The following CTNNA3 variants were observed in gnomAD, a reference collection of about 807,000 sequenced individuals.
The protein encoded by CTNNA3 is catenin alpha 3, also known as catenin alpha-3.
In CTNNA3, 76 loss-of-function variants were observed where a neutral mutation model predicts 95.7. That is an observed-to-expected ratio of 0.79 (90% CI 0.66 to 0.96). CTNNA3 has a LOEUF of 0.96. Among genes scored for constraint, CTNNA3 ranks in the 40% least tolerant of loss-of-function variants. The probability of loss-of-function intolerance (pLI) is 0.00; values close to 1 mark genes in which losing one functional copy is unlikely to be tolerated. For missense variants in CTNNA3, 1,191 were observed against 1,089.8 expected (o/e 1.09, Z -1.31); for synonymous variants, 431 against 374.4 (o/e 1.15, Z -1.74).
At chr10:67,006,045 C>T (rs920608702) in intron 7 of CTNNA3, among the ~76,000 whole-genome samples, 31 of 151,958 alleles carry the variant, frequency 2.0e-4, no homozygotes, top group Non-Finnish European at 4.4e-5. Flanking sequence ...TCTCATTATT[C>T]CATTATTACA....
chr10:66,613,424 T>C (rs1182914694), intron 10 of CTNNA3, among the ~76,000 whole-genome samples: 1 of 152,088 alleles, frequency 6.6e-6, no homozygotes, highest in Non-Finnish European at 1.5e-5. Flanking sequence ...TAAGTATTTG[T>C]TGAATGAAGA....
chr10:66,508,213 T>G (rs1840530438), intron 11 of CTNNA3, among the ~76,000 whole-genome samples: 1 of 148,910 alleles, frequency 6.7e-6, no homozygotes, highest in South Asian at 2.1e-4. Flanking sequence ...GTTTTCTGTT[T>G]TTTTTTTTTT....
rs967165634 is a variant in CTNNA3 at position 67,197,083 on chromosome 10, T to A, written c.844-16563A>T. 2.6e-5 allele frequency among the ~76,000 whole-genome samples: 4 copies of A among 152,126 alleles called. No individual in the cohort carries two copies. The South Asian group carries it at 8.3e-4, about 32-fold the overall frequency. On this transcript the variant is annotated intron_variant, in intron 6 of 17. Coordinates refer to ENST00000433211, the MANE Select transcript of CTNNA3 (RefSeq NM_013266.4). ...ACTAAAGTATATGCCCCAATATTTTTAAGTATATTAAATCTTAATTTCTCA... is the reference window on the plus strand; with the variant it reads ...ACTAAAGTATATGCCCCAATATTTTAAAGTATATTAAATCTTAATTTCTCA...
At chr10:66,159,827 A>G (rs1024026727) in intron 13 of CTNNA3, among the ~76,000 whole-genome samples, 5 of 150,366 alleles carry the variant, frequency 3.3e-5, no homozygotes, top group African/African-American at 1.2e-4. Flanking sequence ...TTTGTTGGTA[A>G]TTTTTCAATT....
intron 15 of CTNNA3, among the ~76,000 whole-genome samples, chr10:66,055,622 T>C (rs1382499121): frequency 6.6e-6 from 1 of 152,114 alleles, no homozygotes; most frequent in Non-Finnish European, 1.5e-5. Context: ...TAGTCTTTAG[T>C]TTTTTTAAGA....
In CTNNA3 at chr10:66,486,906, C is replaced by T. The variant is rs192074748; in HGVS notation, c.1531+33711G>A. ...ATCCTGCCATATATGACAACATACA[C>T]GGACCCGAAATACATTATGCTAAGT... On this transcript the variant is annotated intron_variant, in intron 11 of 17. Coordinates refer to ENST00000433211, the MANE Select transcript of CTNNA3 (RefSeq NM_013266.4). Among the ~76,000 whole-genome samples the T allele has an allele frequency of 7.9e-5, 12 of 152,000 alleles. No homozygotes were observed. The East Asian group carries it at 1.4e-3, about 17-fold the overall frequency.
At chr10:65,940,435 G>A (rs2077411486) in intron 17 of CTNNA3, among the ~76,000 whole-genome samples, 1 of 152,024 alleles carries the variant, frequency 6.6e-6, no homozygotes, top group Non-Finnish European at 1.5e-5. Context: ...TTTATTATGT[G>A]TTTTTTATAT....
At chr10:67,726,044 T>C (rs1841210638) in intron 1 of CTNNA3, among the ~76,000 whole-genome samples, 1 of 130,412 alleles carries the variant, frequency 7.7e-6, no homozygotes, top group South Asian at 2.3e-4. Context: ...TTCTATTATA[T>C]ACAATTATTA....
At chr10:66,712,759 A>C (rs1848337010) in intron 9 of CTNNA3, among the ~76,000 whole-genome samples, 2 of 152,144 alleles carry the variant, frequency 1.3e-5, no homozygotes, top group Non-Finnish European at 1.5e-5. Context: ...TTCATGCTGA[A>C]TGATTTTGTT....
At chr10:66,717,098 A>G (rs1241733781) in intron 9 of CTNNA3, among the ~76,000 whole-genome samples, 1 of 151,978 alleles carries the variant, frequency 6.6e-6, no homozygotes, top group Non-Finnish European at 1.5e-5. Flanking sequence ...CCTTAAGACT[A>G]ACATAGAAAT....
At chr10:66,601,789 C>A (rs1843935167) in intron 10 of CTNNA3, among the ~76,000 whole-genome samples, 1 of 151,776 alleles carries the variant, frequency 6.6e-6, no homozygotes, top group South Asian at 2.1e-4. Flanking sequence ...TAGTGACATT[C>A]ATGCTTAAGT....
intron 7 of CTNNA3, among the ~76,000 whole-genome samples, chr10:66,963,981 G>T (rs1353336129): frequency 6.6e-6 from 1 of 151,834 alleles, no homozygotes; most frequent in African/African-American, 2.4e-5. Flanking sequence ...CGAGTGGCTG[G>T]GTTTACAGGC....
At chr10:66,020,280 T>C (rs913480681) in intron 15 of CTNNA3, among the ~76,000 whole-genome samples, 1 of 152,236 alleles carries the variant, frequency 6.6e-6, no homozygotes, top group East Asian at 1.9e-4. Context: ...CTGAAGAAAG[T>C]GGAAGGTTTG....
chr10:67,204,119 G>T (rs1379514316), intron 6 of CTNNA3, among the ~76,000 whole-genome samples: 1 of 151,062 alleles, frequency 6.6e-6, no homozygotes, highest in Non-Finnish European at 1.5e-5. Context: ...AAATCTCTTA[G>T]ACCTAAAAGT....
At chr10:67,432,800 G>GGGGTCACC (rs1846155466) in intron 5 of CTNNA3, among the ~76,000 whole-genome samples, 1 of 151,870 alleles carries the variant, frequency 6.6e-6, no homozygotes, top group African/African-American at 2.4e-5. Context: ...TATCTTTTTG[G>GGGGTCACC]GGGTCACCAT....
Position 67,471,370 on chromosome 10 carries a change from G to A in CTNNA3, c.579+50472C>T, listed in dbSNP as rs1006633860. Among the ~76,000 whole-genome samples, 88 of 152,178 alleles carry A rather than the reference G, an allele frequency of 5.8e-4. 1 individual carries two copies. Among genetic ancestry groups the A allele is most frequent in the Admixed American group, 5.6e-3 (85 of 15,266 alleles). On this transcript the variant is annotated intron_variant, in intron 5 of 17. Coordinates refer to ENST00000433211, the MANE Select transcript of CTNNA3 (RefSeq NM_013266.4). The stretch of plus-strand genomic sequence containing the variant: ...TCCATTTCTCTTGGAATATCAGAAC[G>A]TAAGGATGTACTAAGCTTACAAAGC...
At chr10:66,744,686 T>C (rs1219235527) in intron 9 of CTNNA3, among the ~76,000 whole-genome samples, 3 of 152,196 alleles carry the variant, frequency 2.0e-5, no homozygotes, top group Non-Finnish European at 4.4e-5. Flanking sequence ...TTGCTTAGTT[T>C]AAAATCTCAA....
chr10:66,973,887 G>C (rs1270027136), intron 7 of CTNNA3, among the ~76,000 whole-genome samples: 1 of 152,160 alleles, frequency 6.6e-6, no homozygotes, highest in African/African-American at 2.4e-5. Context: ...CTCCCAAAGT[G>C]CTGGGATTAC....
intron 7 of CTNNA3, among the ~76,000 whole-genome samples, chr10:67,114,941 G>C (rs1859096526): frequency 6.6e-6 from 1 of 152,134 alleles, no homozygotes; most frequent in Non-Finnish European, 1.5e-5. Flanking sequence ...CCCAGGAAGA[G>C]TGTGGGAAAA....
Sources: gnomAD v4.1 joint callset for allele counts (sites outside exome capture counted in the v4.1 genomes callset) on GRCh38, gnomAD v4.1.1 for gene constraint, MANE v1.5 for transcripts, NCBI Gene and HGNC (gene_info 2026-07-23, HGNC 2026-07-21) for gene names.